ADD1: variants seen among roughly 807,000 people sequenced by gnomAD.
ADD1 encodes alpha-adducin.
ADD1 carries 24 observed loss-of-function variants against 80.5 expected under a neutral mutation model. That is an observed-to-expected ratio of 0.30 (90% CI 0.22 to 0.42). ADD1 has a LOEUF of 0.42. Among genes scored for constraint, ADD1 ranks in the 10% least tolerant of loss-of-function variants. ADD1 has a pLI of 1.00. For missense variants in ADD1, 948 were observed against 1,019.0 expected (o/e 0.93, Z 0.95); for synonymous variants, 373 against 393.8 (o/e 0.95, Z 0.63).
chr4:2,867,569 A>G (rs897471045), intron 1 of ADD1, among the ~76,000 whole-genome samples: 2 of 152,240 alleles, frequency 1.3e-5, no homozygotes, highest in African/African-American at 4.8e-5. Context: ...AACATACCAT[A>G]GGATTAATTA....
intron 1 of ADD1, among the ~76,000 whole-genome samples, chr4:2,872,885 T>C (rs1730676205): frequency 6.6e-6 from 1 of 152,076 alleles, no homozygotes; most frequent in African/African-American, 2.4e-5. Context: ...AATTATTTTA[T>C]TTTAAATTAG....
intron 10 of ADD1, among the ~76,000 whole-genome samples, chr4:2,906,066 C>T (rs904462447): frequency 3.9e-5 from 6 of 152,196 alleles, no homozygotes; most frequent in African/African-American, 1.4e-4. Flanking sequence ...AAACCATGGG[C>T]AACCAAATAC....
At chr4:2,915,082 A>G in intron 14 of ADD1, 42 bp downstream of exon 14, 2 of 1,567,200 alleles carry the variant, frequency 1.3e-6, no homozygotes, top group African/African-American at 1.4e-5. Context: ...CCAGAAGGTG[A>G]AAGTGCTCTG....
intron 1 of ADD1, chr4:2,853,109 T>G (rs1021803204): frequency 1.4e-5 from 2 of 145,510 alleles, no homozygotes; most frequent in African/African-American, 5.0e-5. Context: ...GTCACTTACT[T>G]TTTTTTTTTT....
Position 2,929,730 on chromosome 4 carries a change from G to C in ADD1, c.*1207G>C, listed in dbSNP as rs1712706468. On this transcript the variant is annotated 3_prime_UTR_variant, in exon 16 of 16. Coordinates refer to ENST00000683351, the MANE Select transcript of ADD1 (RefSeq NM_001354761.2). Reference sequence around the variant, plus strand: ...CACCTCGGATCCCACTGATTGGCCAGCCGAGCGAGAACCAGGCTGCTGCAT... The same window carrying C: ...CACCTCGGATCCCACTGATTGGCCACCCGAGCGAGAACCAGGCTGCTGCAT... 1 of 152,404 alleles carries C rather than the reference G, an allele frequency of 6.6e-6. No homozygotes were observed. The highest frequency in any genetic ancestry group is 2.1e-4 in the South Asian group (1 of 4,832). The allele number at this position is 152,404 out of a possible 1,614,324, so 9.4% of individuals were successfully genotyped here.
At position 2,884,562 on chromosome 4, in the gene ADD1, A is replaced by C. The variant is rs1220842759; in HGVS notation, c.406A>C (p.Ile136Leu). ...PVNDLRGSDSIAYDKGEKLLR... is the reference protein window; with the variant it reads ...PVNDLRGSDSLAYDKGEKLLR... ...GAACGATCTTAGAGGATCTGATTCT[A>C]TTGCGTATGACAAAGGAGAGAAGTT... The change falls in exon 4 of 16, where the codon ATT becomes CTT. Residue 136 changes from isoleucine (I) to leucine (L), a missense_variant. Transcript: ENST00000683351. 1 of 1,613,042 alleles carries C rather than the reference A, an allele frequency of 6.2e-7. No homozygotes were observed. The highest frequency in any genetic ancestry group is 1.7e-5 in the Admixed American group (1 of 59,922).
rs958859088 is a variant in ADD1 at position 2,848,071 on chromosome 4, C to T, written c.-21+4047C>T. On this transcript the variant is annotated intron_variant, in intron 1 of 15. Transcript: ENST00000683351. ...CTCTACTAAAAATACAAAAATTAGT[C>T]AGGCTTGGTGGTGGATGCCTGTAAT... 1.2e-4 allele frequency among the ~76,000 whole-genome samples: 18 copies of T among 152,198 alleles called. 1 individual carries two copies. The South Asian group carries it at 1.7e-3, about 14-fold the overall frequency.
chr4:2,851,197 T>C (rs1205365710), intron 1 of ADD1, among the ~76,000 whole-genome samples: 1 of 152,174 alleles, frequency 6.6e-6, no homozygotes, highest in African/African-American at 2.4e-5. Flanking sequence ...TACTGGTGCA[T>C]ACCACCACAG....
intron 2 of ADD1, 119 bp downstream of exon 2, chr4:2,876,229 C>T (rs558862821): frequency 1.7e-5 from 16 of 919,606 alleles, no homozygotes; most frequent in Admixed American, 3.0e-5. Context: ...AAATCAGTGC[C>T]TTGAGTATAC....
chr4:2,898,924 G>T (rs1324163352), intron 8 of ADD1: 10 of 379,930 alleles, frequency 2.6e-5, no homozygotes, highest in Non-Finnish European at 4.8e-5. Context: ...ACAGCTGTGA[G>T]TTCCCCTCCG....
At chr4:2,857,254 C>T (rs1728224334) in intron 1 of ADD1, among the ~76,000 whole-genome samples, 1 of 152,166 alleles carries the variant, frequency 6.6e-6, no homozygotes, top group African/African-American at 2.4e-5. Context: ...GCAAATTCCT[C>T]TTTGTATCTA....
intron 1 of ADD1, among the ~76,000 whole-genome samples, chr4:2,850,626 C>T (rs1468793583): frequency 1.3e-5 from 2 of 152,190 alleles, no homozygotes; most frequent in African/African-American, 2.4e-5. Flanking sequence ...GGGGTTTCAC[C>T]GTGTTAGCCA....
intron 9 of ADD1, among the ~76,000 whole-genome samples, chr4:2,904,412 T>A (rs1218218390): frequency 6.6e-6 from 1 of 152,234 alleles, no homozygotes; most frequent in African/African-American, 2.4e-5. Flanking sequence ...CAGGTTGGTC[T>A]CTTTCACTCA....
chr4:2,875,856 T>G, intron 1 of ADD1, 40 bp from the exon 2 acceptor site: 1 of 1,467,342 alleles, frequency 6.8e-7, no homozygotes. Context: ...TGTTAGACAT[T>G]GATTTGAAAA....
chr4:2,901,120 C>T (rs560450600), intron 9 of ADD1: 71 of 152,714 alleles, frequency 4.6e-4, no homozygotes, highest in African/African-American at 1.7e-3. Flanking sequence ...GCTGCAGGGA[C>T]TCATAGATGG....
At chr4:2,868,666 A>C (rs1353411922) in intron 1 of ADD1, among the ~76,000 whole-genome samples, 1 of 152,194 alleles carries the variant, frequency 6.6e-6, no homozygotes, top group Admixed American at 6.5e-5. Context: ...TTGTACAAAC[A>C]TGAGTTAGAA....
rs1712513078 is a variant in ADD1 at position 2,928,985 on chromosome 4, A to G, written c.*462A>G. 1.2e-5 allele frequency: 2 copies of G among 172,704 alleles called. No individual in the cohort carries two copies. The highest frequency in any genetic ancestry group is 3.8e-4 in the East Asian group (2 of 5,290). 10.7% of individuals were successfully genotyped at this position (172,704 alleles called of 1,614,324 possible). ...GGCATTCTCTCTGCTCAGTGATCTC[A>G]CTTAAATCTATATACAAAGCCTTGG... is the stretch of plus-strand genomic sequence containing the variant. On this transcript the variant is annotated 3_prime_UTR_variant, in exon 16 of 16. Transcript: ENST00000683351.
At chr4:2,884,800 C>T (rs1732976441) in intron 4 of ADD1, 134 bp downstream of exon 4, 3 of 1,080,920 alleles carry the variant, frequency 2.8e-6, no homozygotes, top group East Asian at 5.2e-5. Context: ...TGATTCCTGA[C>T]TACAGAGTGT....
chr4:2,904,431 T>G (rs1298370559), intron 9 of ADD1, among the ~76,000 whole-genome samples: 1 of 152,218 alleles, frequency 6.6e-6, no homozygotes, highest in Non-Finnish European at 1.5e-5. Context: ...CAGCGTTGCC[T>G]TCAGGAGAGT....
Sources: gnomAD v4.1 joint callset for allele counts (sites outside exome capture counted in the v4.1 genomes callset) on GRCh38, gnomAD v4.1.1 for gene constraint, MANE v1.5 for transcripts, NCBI Gene and HGNC (gene_info 2026-07-23, HGNC 2026-07-21) for gene names.